Variants in SHANK2 observed in about 807,000 individuals in gnomAD.
SHANK2 encodes SH3 and multiple ankyrin repeat domains protein 2.
SHANK2 carries 43 observed loss-of-function variants against 133.7 expected under a neutral mutation model. The ratio of observed to expected loss-of-function variants is 0.32; its 90% CI spans 0.25 to 0.41. The LOEUF (loss-of-function observed/expected upper bound fraction) is 0.41. SHANK2 is among the 10% of genes least tolerant of loss of function. The pLI is 1.00. For synonymous variants in SHANK2, 1,017 were observed against 952.8 expected, an observed-to-expected ratio of 1.07 and a Z score of -1.24; for missense variants, 1,994 against 2,235.8, an observed-to-expected ratio of 0.89 and a Z score of 2.18.
At chr11:70,770,906 T>C (rs1415610397) in intron 14 of SHANK2, among the ~76,000 whole-genome samples, 4 of 134,658 alleles carry the variant, frequency 3.0e-5, no homozygotes, top group African/African-American at 8.3e-5. Flanking sequence ...CTTCCCTCCC[T>C]CTTACTTCCT....
intron 11 of SHANK2, chr11:70,862,956 C>G: frequency 3.5e-6 from 1 of 282,188 alleles, no homozygotes. Context: ...AGGAGACAAG[C>G]CGCCTTACCT....
intron 17 of SHANK2, among the ~76,000 whole-genome samples, chr11:70,617,711 T>C (rs2060770693): frequency 6.6e-6 from 1 of 152,192 alleles, no homozygotes; most frequent in South Asian, 2.1e-4. Flanking sequence ...CACGTGCATA[T>C]GACCAAAACT....
chr11:71,097,442 A>G (rs1951637322), intron 6 of SHANK2, among the ~76,000 whole-genome samples: 1 of 152,220 alleles, frequency 6.6e-6, no homozygotes, highest in Non-Finnish European at 1.5e-5. Context: ...ACTATTCCTC[A>G]GGTTTTGCAT....
intron 2 of SHANK2, among the ~76,000 whole-genome samples, chr11:71,183,358 C>A (rs1262195727): frequency 6.6e-5 from 10 of 152,170 alleles, no homozygotes; most frequent in Admixed American, 2.0e-4. Flanking sequence ...CAGAGAGGGG[C>A]TCCTATCAGG....
At chr11:70,915,129 T>C (rs920069076) in intron 10 of SHANK2, among the ~76,000 whole-genome samples, 2 of 152,182 alleles carry the variant, frequency 1.3e-5, no homozygotes, top group Non-Finnish European at 2.9e-5. Context: ...TTCTGGGTAC[T>C]GCTGGCTTGC....
At position 71,094,781 on chromosome 11, in the gene SHANK2, T is replaced by C. The variant is rs1951578280; in HGVS notation, c.593-93A>G. ...ATGCCCAAAACTAAGCTGAAAGAAC[T>C]GACTCCCCTCCTCCACCTCCAGGGT... On this transcript the variant is annotated intron_variant, in intron 6 of 25. Coordinates refer to ENST00000601538, the MANE Select transcript of SHANK2 (RefSeq NM_012309.5). The C allele has an allele frequency of 7.5e-6, 10 of 1,328,184 alleles. No homozygotes were observed. In the South Asian group the frequency reaches 8.5e-5, roughly 11 times the overall value. 82.3% of individuals were successfully genotyped at this position (1,328,184 alleles called of 1,614,324 possible). A position where few individuals can be genotyped will look rare whatever the true frequency, so the allele number is the denominator to read the frequency against.
chr11:70,504,379 A>AGTGCCT (rs2059106265), intron 17 of SHANK2, among the ~76,000 whole-genome samples: 1 of 152,214 alleles, frequency 6.6e-6, no homozygotes, highest in African/African-American at 2.4e-5. Flanking sequence ...TGACAGGCCC[A>AGTGCCT]GGATGTGCCA....
intron 14 of SHANK2, among the ~76,000 whole-genome samples, chr11:70,784,348 T>TG (rs1334659924): frequency 2.5e-5 from 3 of 119,316 alleles, no homozygotes; most frequent in African/African-American, 1.2e-4. Context: ...GGCTAGTTTT[T>TG]TTTTTTTTTT....
At chr11:70,941,193 A>G (rs1950642195) in intron 10 of SHANK2, among the ~76,000 whole-genome samples, 1 of 152,172 alleles carries the variant, frequency 6.6e-6, no homozygotes, top group African/African-American at 2.4e-5. Flanking sequence ...CTATGTGTAT[A>G]CAGTGGATAC....
At chr11:70,951,298 C>T (rs1286673136) in intron 10 of SHANK2, among the ~76,000 whole-genome samples, 3 of 140,884 alleles carry the variant, frequency 2.1e-5, no homozygotes, top group African/African-American at 7.9e-5. Context: ...GTTGCTGTGC[C>T]GTGACATCAT....
intron 10 of SHANK2, among the ~76,000 whole-genome samples, chr11:70,924,249 G>C (rs782723699): frequency 3.9e-5 from 6 of 152,002 alleles, no homozygotes; most frequent in Non-Finnish European, 8.8e-5. Flanking sequence ...GCCATATTGA[G>C]GACATGCCCC....
chr11:71,156,334 T>C (rs1555109098), intron 2 of SHANK2, among the ~76,000 whole-genome samples: 1 of 152,046 alleles, frequency 6.6e-6, no homozygotes. Flanking sequence ...ATTTCCCTAA[T>C]CACCATCAAA....
chr11:71,195,541 T>C lies in SHANK2; in HGVS notation c.-13+29156A>G, dbSNP rs538205822. On this transcript the variant is annotated intron_variant, in intron 2 of 25. Coordinates refer to ENST00000601538, the MANE Select transcript of SHANK2 (RefSeq NM_012309.5). The stretch of plus-strand genomic sequence containing the variant: ...TTAGATGTTTCAGAAAATTTAGGAT[T>C]CCCATTTTCAGTATATTGCAATTAA... Among the ~76,000 whole-genome samples, 9 of 152,372 alleles carry C rather than the reference T, an allele frequency of 5.9e-5. No individual in the cohort carries two copies. The East Asian group carries it at 1.3e-3, about 23-fold the overall frequency.
At chr11:71,181,013 G>A (rs1382551525) in intron 2 of SHANK2, among the ~76,000 whole-genome samples, 1 of 151,828 alleles carries the variant, frequency 6.6e-6, no homozygotes, top group Non-Finnish European at 1.5e-5. Flanking sequence ...GCAGCGAAGG[G>A]ATTTCATTTT....
chr11:70,929,268 A>G (rs1555082121), intron 10 of SHANK2, among the ~76,000 whole-genome samples: 2 of 152,146 alleles, frequency 1.3e-5, no homozygotes, highest in Non-Finnish European at 2.9e-5. Flanking sequence ...GGCACTTACT[A>G]CTCAACCTCG....
chr11:70,655,184 C>T (rs564263025), intron 17 of SHANK2, among the ~76,000 whole-genome samples: 10 of 152,318 alleles, frequency 6.6e-5, no homozygotes, highest in East Asian at 3.9e-4. Context: ...CTTAGGCTTT[C>T]CCCCAGCAAC....
chr11:71,113,111 G>A (rs1263551339), intron 5 of SHANK2, among the ~76,000 whole-genome samples, 182 bp downstream of exon 5: 1 of 152,158 alleles, frequency 6.6e-6, no homozygotes, highest in Admixed American at 6.5e-5. Context: ...GCTGCCTCCC[G>A]GGTGGGTCTC....
chr11:70,580,054 G>T (rs59706888), intron 17 of SHANK2, among the ~76,000 whole-genome samples: 3,641 of 152,290 alleles, frequency 0.024, 91 homozygotes, highest in African/African-American at 0.062. Flanking sequence ...ACAACGCTAA[G>T]ATAATAAACA....
chr11:70,808,150 G>T lies in SHANK2; in HGVS notation c.1494-979C>A, dbSNP rs78129456. Among the ~76,000 whole-genome samples the T allele has an allele frequency of 3.9e-5, 6 of 152,210 alleles. No individual in the cohort carries two copies. The East Asian group carries it at 1.2e-3, about 29-fold the overall frequency. On this transcript the variant is annotated intron_variant, in intron 12 of 25. Transcript: ENST00000601538. The stretch of plus-strand genomic sequence containing the variant: ...GCCACTGAACTGTGCACTTCAAAAT[G>T]GTTCTAAGGTGATAAATTTGATGTT...
Sources: gnomAD v4.1 joint callset for allele counts (sites outside exome capture counted in the v4.1 genomes callset) on GRCh38, gnomAD v4.1.1 for gene constraint, MANE v1.5 for transcripts, NCBI Gene and HGNC (gene_info 2026-07-23, HGNC 2026-07-21) for gene names.